PHKA1: variants seen among roughly 807,000 people sequenced by gnomAD.
PHKA1 encodes phosphorylase b kinase regulatory subunit alpha, skeletal muscle isoform.
A neutral mutation model predicts 110.2 loss-of-function variants in PHKA1; 60 were observed. That is an observed-to-expected ratio of 0.54 (90% CI 0.44 to 0.68). PHKA1 has a LOEUF of 0.68. Ranked by LOEUF, PHKA1 falls within the 30% of genes least tolerant of loss-of-function variation. The pLI, the probability that PHKA1 is intolerant of heterozygous loss-of-function variation, is 0.00. For synonymous variants in PHKA1, 316 were observed against 333.6 expected (o/e 0.95, Z 0.58); for missense variants, 801 against 942.5 (o/e 0.85, Z 1.97).
At chrX:72,587,237 G>A (rs1348286540) in intron 29 of PHKA1, among the ~76,000 whole-genome samples, 3 of 111,498 alleles carry the variant, frequency 2.7e-5, no homozygotes, top group African/African-American at 6.5e-5. Flanking sequence ...CTGATCTCTC[G>A]GCAGAAACTC....
At chrX:72,638,776 C>T (rs1169673511) in intron 14 of PHKA1, among the ~76,000 whole-genome samples, 1 of 111,959 alleles carries the variant, frequency 8.9e-6, no homozygotes, top group Admixed American at 9.4e-5. Context: ...GCCCCTTCCA[C>T]ATAGGAAGGT....
At chrX:72,679,626 C>A (rs931177907) in intron 5 of PHKA1, among the ~76,000 whole-genome samples, 1 of 110,713 alleles carries the variant, frequency 9.0e-6, no homozygotes, top group Admixed American at 9.6e-5. Flanking sequence ...CAACTTTTAG[C>A]GATAAAACTG....
intron 14 of PHKA1, among the ~76,000 whole-genome samples, chrX:72,640,301 T>C (rs1375544106): frequency 9.0e-6 from 1 of 111,586 alleles, no homozygotes; most frequent in Non-Finnish European, 1.9e-5. Flanking sequence ...TATTTAAAAA[T>C]ACCTCATGGA....
chrX:72,632,663 C>T (rs1300185714), intron 16 of PHKA1, among the ~76,000 whole-genome samples: 1 of 111,630 alleles, frequency 9.0e-6, no homozygotes, highest in Non-Finnish European at 1.9e-5. Flanking sequence ...AACTAATCCA[C>T]ATTTCAATGT....
At chrX:72,682,520 G>A (rs1248785016) in intron 5 of PHKA1, among the ~76,000 whole-genome samples, 6 of 108,811 alleles carry the variant, frequency 5.5e-5, no homozygotes, top group African/African-American at 1.7e-4. Context: ...AAATCGGATG[G>A]TTGCCGTGTC....
rs782586410 is a variant in PHKA1 at position 72,707,820 on chromosome X, T to C, written c.238-2575A>G. The C allele has an allele frequency of 2.7e-5, 3 of 111,879 alleles. No homozygotes were observed. The Admixed American group carries it at 2.9e-4, about 11-fold the overall frequency. The allele number at this position is 111,879 out of a possible 1,213,427, so 9.2% of individuals were successfully genotyped here. On this transcript the variant is annotated intron_variant, in intron 2 of 31. Transcript: ENST00000373542. ...TTGAGGGTTACATATAAACATTTTG[T>C]ACCATTTTCTTTTTAACATCTATTA...
chrX:72,586,161 C>A (rs1341109109), intron 29 of PHKA1, among the ~76,000 whole-genome samples: 3 of 111,944 alleles, frequency 2.7e-5, no homozygotes, highest in Non-Finnish European at 3.8e-5. Flanking sequence ...CTGGGAGACA[C>A]CTCCTACTAG....
At chrX:72,694,239 T>C (rs1251732402) in intron 4 of PHKA1, among the ~76,000 whole-genome samples, 1 of 112,478 alleles carries the variant, frequency 8.9e-6, no homozygotes, top group Non-Finnish European at 1.9e-5. Flanking sequence ...ACATAAATTC[T>C]GAATCAATCT....
At chrX:72,666,048 G>T in intron 8 of PHKA1, 103 bp downstream of exon 8, 1 of 810,104 alleles carries the variant, frequency 1.2e-6, no homozygotes, top group Non-Finnish European at 1.8e-6. Flanking sequence ...AAACTTAAAG[G>T]TTTCTTGAAA....
intron 21 of PHKA1, among the ~76,000 whole-genome samples, chrX:72,617,164 A>G (rs2052909807): frequency 8.9e-6 from 1 of 111,995 alleles, no homozygotes; most frequent in Admixed American, 9.5e-5. Flanking sequence ...GTGGAAATAA[A>G]TAAAACAGAG....
intron 23 of PHKA1, among the ~76,000 whole-genome samples, chrX:72,608,860 T>C (rs1556255851): frequency 8.9e-6 from 1 of 111,977 alleles, no homozygotes; most frequent in Admixed American, 9.5e-5. Context: ...AATACCCTTT[T>C]TAAAAATTAC....
chrX:72,602,311 T>C (rs781913519), intron 26 of PHKA1, 38 bp from the exon 27 acceptor site: 1 of 852,602 alleles, frequency 1.2e-6, no homozygotes, highest in East Asian at 3.1e-5. Flanking sequence ...AGAGAGAGGA[T>C]AATAAGGTTC....
At chrX:72,658,045 G>A (rs2053517091) in intron 8 of PHKA1, among the ~76,000 whole-genome samples, 1 of 112,030 alleles carries the variant, frequency 8.9e-6, no homozygotes, top group African/African-American at 3.2e-5. Flanking sequence ...TACATTTTGA[G>A]ATAATTTTAG....
At chrX:72,708,523 T>C (rs2054322941) in intron 2 of PHKA1, among the ~76,000 whole-genome samples, 1 of 111,148 alleles carries the variant, frequency 9.0e-6, no homozygotes, top group Non-Finnish European at 1.9e-5. Flanking sequence ...CACAGAAAGA[T>C]TGTCGAGGAT....
intron 31 of PHKA1, 81 bp downstream of exon 31, chrX:72,582,317 C>T (rs187516555): frequency 8.8e-5 from 60 of 678,024 alleles, no homozygotes; most frequent in East Asian, 6.9e-4. Context: ...AGAAAGTGAC[C>T]GTGGCTCCTC....
At chrX:72,668,200 G>A (rs922532752) in intron 6 of PHKA1, among the ~76,000 whole-genome samples, 9 of 111,422 alleles carry the variant, frequency 8.1e-5, no homozygotes, top group African/African-American at 2.9e-4. Context: ...TTGAGGTCGG[G>A]GATTATGTCT....
chrX:72,595,993 C>A (rs371066724), intron 28 of PHKA1, among the ~76,000 whole-genome samples: 3 of 111,867 alleles, frequency 2.7e-5, no homozygotes, highest in African/African-American at 9.7e-5. Context: ...TATTTGCATG[C>A]CCATGTTCAA....
At chrX:72,630,999 G>GTTTTTTTTTTTTTTTTT (rs146161152) in intron 16 of PHKA1, among the ~76,000 whole-genome samples, 8 of 44,706 alleles carry the variant, frequency 1.8e-4, no homozygotes, top group African/African-American at 7.9e-4. Flanking sequence ...ATTTTTTCAG[G>GTTTTTTTTTTTTTTTTT]TTTTTTTTTT....
chrX:72,621,042 G>T, intron 18 of PHKA1, 141 bp from the exon 19 acceptor site: 1 of 621,841 alleles, frequency 1.6e-6, no homozygotes. Context: ...GCTCATGGAG[G>T]AAAAGCTTGT....
Sources: allele counts gnomAD v4.1 joint callset (sites outside exome capture counted in the v4.1 genomes callset), GRCh38; gene constraint gnomAD v4.1.1; transcripts MANE v1.5; gene names NCBI Gene and HGNC (gene_info 2026-07-23, HGNC 2026-07-21).